Variants in SLC24A3 observed in about 807,000 individuals in gnomAD.
The protein encoded by SLC24A3 is sodium/potassium/calcium exchanger 3.
Under a neutral mutation model 75.8 loss-of-function variants are expected in SLC24A3, and 28 were observed. The ratio of observed to expected loss-of-function variants is 0.37; its 90% CI spans 0.27 to 0.51. The LOEUF is 0.51. Ranked by LOEUF, SLC24A3 falls within the 20% of genes least tolerant of loss-of-function variation. SLC24A3 has a pLI of 0.94. For missense variants in SLC24A3, 663 were observed against 847.8 expected (o/e 0.78, Z 2.71); for synonymous variants, 372 against 334.1 (o/e 1.11, Z -1.24).
At chr20:19,366,723 T>C (rs147000633) in intron 2 of SLC24A3, among the ~76,000 whole-genome samples, 3 of 152,046 alleles carry the variant, frequency 2.0e-5, no homozygotes, top group African/African-American at 7.2e-5. Flanking sequence ...GAAAAAAAAA[T>C]AGGGGCTGAC....
chr20:19,693,137 A>G, intron 12 of SLC24A3, 122 bp from the exon 13 acceptor site: 3 of 1,051,340 alleles, frequency 2.9e-6, no homozygotes, highest in Non-Finnish European at 4.0e-6. Flanking sequence ...AAAAAGAGCA[A>G]TATAATAAGG....
rs1326869926 is a variant in SLC24A3, at chr20:19,252,180, T to C, written c.143-28779T>C. ...TTTTACAACCATCTCGGGCAAATAT[T>C]GTTCCTCTTGACAGAGTGGGCCATG... On this transcript the variant is annotated intron_variant, in intron 1 of 16. Transcript: ENST00000328041. Among the ~76,000 whole-genome samples the C allele has an allele frequency of 2.0e-5, 3 of 152,316 alleles. No individual in the cohort carries two copies. The East Asian group carries it at 5.8e-4, about 29-fold the overall frequency.
rs544897394 is a variant in SLC24A3, at chr20:19,521,172, CAGA to C, written c.348+5614_348+5616del. Among the ~76,000 whole-genome samples the C allele has an allele frequency of 2.6e-4, 39 of 152,280 alleles. No individual in the cohort carries two copies. In the East Asian group the frequency reaches 5.2e-3, roughly 20 times the overall value. ...CCTCCCCACACAATCCTTATTCTCT[CAGA>C]AGAAGTGTGTCTCTGCCTCCACTCT... On this transcript the variant is annotated intron_variant, in intron 3 of 16. Coordinates refer to ENST00000328041, the MANE Select transcript of SLC24A3 (RefSeq NM_020689.4).
chr20:19,713,760 G>A (rs10154016), intron 15 of SLC24A3, among the ~76,000 whole-genome samples: 9,504 of 152,226 alleles, frequency 0.062, 355 homozygotes, highest in Middle Eastern at 0.11. Flanking sequence ...CAGTTTTAAC[G>A]TGGATTAATT....
chr20:19,321,249 C>CA (rs1485621154), intron 2 of SLC24A3, among the ~76,000 whole-genome samples: 1 of 152,158 alleles, frequency 6.6e-6, no homozygotes, highest in Non-Finnish European at 1.5e-5. Flanking sequence ...GTCATTATCA[C>CA]ACTCAAGACA....
intron 2 of SLC24A3, among the ~76,000 whole-genome samples, chr20:19,322,347 T>A (rs1468972945): frequency 2.1e-5 from 2 of 96,076 alleles, no homozygotes; most frequent in East Asian, 5.7e-4. Context: ...GGATTGAGCC[T>A]TCTTTCCTTC....
Position 19,329,877 on chromosome 20 carries a change from C to T in SLC24A3, c.271+48790C>T, listed in dbSNP as rs142327851. Among the ~76,000 whole-genome samples the T allele has an allele frequency of 2.6e-3, 397 of 152,240 alleles. 2 individuals are homozygous for T. Among genetic ancestry groups the T allele is most frequent in the African/African-American group, 9.2e-3 (382 of 41,546 alleles). On this transcript the variant is annotated intron_variant, in intron 2 of 16. Transcript: ENST00000328041. Reference sequence around the variant, plus strand: ...TGCTATTTGAAGGTCAAGGCTTTGACCTTGGCAGCATGTGGGGACCCTCTG... The same window carrying T: ...TGCTATTTGAAGGTCAAGGCTTTGATCTTGGCAGCATGTGGGGACCCTCTG...
chr20:19,598,976 A>G (rs1367769661), intron 6 of SLC24A3, among the ~76,000 whole-genome samples: 2 of 152,124 alleles, frequency 1.3e-5, no homozygotes, highest in Non-Finnish European at 2.9e-5. Context: ...TAAATTAAAA[A>G]TAGTTTTCAT....
intron 1 of SLC24A3, among the ~76,000 whole-genome samples, chr20:19,260,273 T>C (rs1053336963): frequency 2.6e-5 from 4 of 152,240 alleles, no homozygotes; most frequent in Admixed American, 6.5e-5. Flanking sequence ...GTTGCTGGAC[T>C]CGATTCTGAG....
intron 2 of SLC24A3, among the ~76,000 whole-genome samples, chr20:19,370,415 C>T (rs1484912549): frequency 1.3e-5 from 2 of 152,206 alleles, no homozygotes; most frequent in African/African-American, 4.8e-5. Flanking sequence ...GCAGATGACC[C>T]AGGTCAGAAC....
chr20:19,495,844 C>A (rs1455296916), intron 2 of SLC24A3, among the ~76,000 whole-genome samples: 1 of 152,204 alleles, frequency 6.6e-6, no homozygotes, highest in Admixed American at 6.5e-5. Flanking sequence ...TCCACAGCAC[C>A]CCAGATTTCA....
intron 2 of SLC24A3, among the ~76,000 whole-genome samples, chr20:19,298,982 C>T (rs76436504): frequency 0.02 from 3,064 of 152,226 alleles, 42 homozygotes; most frequent in African/African-American, 0.031. Flanking sequence ...TCCCCATGGC[C>T]GAAGACAGCC....
At chr20:19,566,967 CACA>C (rs1441173606) in intron 3 of SLC24A3, among the ~76,000 whole-genome samples, 3 of 152,194 alleles carry the variant, frequency 2.0e-5, no homozygotes, top group Non-Finnish European at 4.4e-5. Flanking sequence ...GATGCCATCT[CACA>C]CCAGATAGAA....
At chr20:19,624,473 T>C (rs1044961948) in intron 6 of SLC24A3, among the ~76,000 whole-genome samples, 1 of 152,232 alleles carries the variant, frequency 6.6e-6, no homozygotes, top group African/African-American at 2.4e-5. Flanking sequence ...ATTTCTCACA[T>C]GTCTTTCATT....
intron 2 of SLC24A3, among the ~76,000 whole-genome samples, chr20:19,344,462 G>C (rs1051691532): frequency 3.3e-5 from 5 of 152,156 alleles, no homozygotes; most frequent in Non-Finnish European, 7.3e-5. Flanking sequence ...AAATTCAGTA[G>C]TTTATTTAGG....
chr20:19,666,003 A>G (rs2032395050), intron 8 of SLC24A3, 114 bp downstream of exon 8: 3 of 1,195,164 alleles, frequency 2.5e-6, no homozygotes, highest in African/African-American at 1.6e-5. Flanking sequence ...ACAGCTTAGA[A>G]TGAGGAGAAT....
At chr20:19,452,376 A>ATG (rs34840970) in intron 2 of SLC24A3, among the ~76,000 whole-genome samples, 3,992 of 112,940 alleles carry the variant, frequency 0.035, 90 homozygotes, top group East Asian at 0.062. Flanking sequence ...CCTGTGGGGG[A>ATG]TGTGTGTGTG....
At chr20:19,546,601 C>T (rs2030600081) in intron 3 of SLC24A3, among the ~76,000 whole-genome samples, 1 of 152,204 alleles carries the variant, frequency 6.6e-6, no homozygotes, top group Non-Finnish European at 1.5e-5. Context: ...CTTGAAAATG[C>T]TGCCTCCTTT....
intron 2 of SLC24A3, among the ~76,000 whole-genome samples, chr20:19,325,488 A>G (rs1413527503): frequency 6.6e-6 from 1 of 151,240 alleles, no homozygotes; most frequent in Non-Finnish European, 1.5e-5. Context: ...TCCAGACCAC[A>G]GCCTTGGGTG....
Sources: allele counts gnomAD v4.1 joint callset (sites outside exome capture counted in the v4.1 genomes callset), GRCh38; gene constraint gnomAD v4.1.1; transcripts MANE v1.5; gene names NCBI Gene and HGNC (gene_info 2026-07-23, HGNC 2026-07-21).